Variants in INPP5D observed in about 807,000 individuals in gnomAD.
The protein encoded by INPP5D is phosphatidylinositol 3,4,5-trisphosphate 5-phosphatase 1.
A neutral mutation model predicts 122.9 loss-of-function variants in INPP5D; 33 were observed. That is an observed-to-expected ratio of 0.27 (90% CI 0.20 to 0.36). The LOEUF is 0.36. Ranked by LOEUF, INPP5D falls within the 10% of genes least tolerant of loss-of-function variation. The probability of loss-of-function intolerance (pLI) is 1.00; values close to 1 mark genes in which losing one functional copy is unlikely to be tolerated. For missense variants in INPP5D, 1,053 were observed against 1,412.7 expected, an observed-to-expected ratio of 0.75 and a Z score of 4.08; for synonymous variants, 584 against 576.2, an observed-to-expected ratio of 1.01 and a Z score of -0.19.
At position 233,177,974 on chromosome 2, in the gene INPP5D, GA is replaced by G. The variant is rs1694690082; in HGVS notation, c.2071+631del. ...TTTTGTAGGTCAGAAATAGTTATTGGAAATTCATATGGCTCAAACTAATACA... is the reference window on the plus strand; with the variant it reads ...TTTTGTAGGTCAGAAATAGTTATTGGAATTCATATGGCTCAAACTAATACA... On this transcript the variant is annotated intron_variant, in intron 18 of 26. Transcript: ENST00000445964. The surrounding 1 kb of genome is among the most constrained non-coding windows in gnomAD (Gnocchi z 4.2). Among the ~76,000 whole-genome samples, 1 of 152,180 alleles carries G rather than the reference GA, an allele frequency of 6.6e-6. No individual in the cohort carries two copies. Among genetic ancestry groups the G allele is most frequent in the African/African-American group, 2.4e-5 (1 of 41,428 alleles).
In INPP5D at chr2:233,082,103, T is replaced by A. The variant is rs1284741202; in HGVS notation, c.198+2705T>A. ...CTCTGCTCCTGACCCCGGCACTAGA[T>A]CTGTGACCTCCGCAGTAGCTGACAT... On this transcript the variant is annotated intron_variant, in intron 2 of 26. Coordinates refer to ENST00000445964, the MANE Select transcript of INPP5D (RefSeq NM_001017915.3). The surrounding 1 kb of genome is among the most constrained non-coding windows in gnomAD (Gnocchi z 4.7). Among the ~76,000 whole-genome samples the A allele has an allele frequency of 6.6e-6, 1 of 152,106 alleles. No homozygotes were observed. The highest frequency in any genetic ancestry group is 1.5e-5 in the Non-Finnish European group (1 of 68,018).
At chr2:233,176,667 G>A (rs1226105494) in intron 17 of INPP5D, among the ~76,000 whole-genome samples, 4 of 128,738 alleles carry the variant, frequency 3.1e-5, no homozygotes, top group Non-Finnish European at 6.5e-5. Flanking sequence ...GGGTGGGTGG[G>A]TGGATGGATG....
At position 233,111,940 on chromosome 2, in the gene INPP5D, A is replaced by G. The variant is rs142840010; in HGVS notation, c.199-10167A>G. On this transcript the variant is annotated intron_variant, in intron 2 of 26. Coordinates refer to ENST00000445964, the MANE Select transcript of INPP5D (RefSeq NM_001017915.3). Reference sequence around the variant, plus strand: ...TAGCCAAACGTGGTGATGCATGCCTATAGTCCCAGGTACTTGGGGGGGCTG... The same window carrying G: ...TAGCCAAACGTGGTGATGCATGCCTGTAGTCCCAGGTACTTGGGGGGGCTG... 6.9e-3 allele frequency among the ~76,000 whole-genome samples: 903 copies of G among 130,648 alleles called. 14 individuals are homozygous for G. Among genetic ancestry groups the G allele is most frequent in the Non-Finnish European group, 5.8e-3 (384 of 65,750 alleles). The allele number at this position is 130,648 out of a possible 152,430, so 85.7% of individuals were successfully genotyped here.
At chr2:233,099,015 G>A (rs1178112576) in intron 2 of INPP5D, among the ~76,000 whole-genome samples, 2 of 151,168 alleles carry the variant, frequency 1.3e-5, no homozygotes, top group Non-Finnish European at 2.9e-5. Context: ...GCAGTGGTGC[G>A]ATCTTGGCTC....
intron 9 of INPP5D, among the ~76,000 whole-genome samples, chr2:233,155,631 T>A (rs991876679): frequency 2.2e-4 from 3 of 13,600 alleles, no homozygotes; most frequent in South Asian, 4.6e-3. Context: ...AAAAAATAAA[T>A]AAATAAATAA....
At chr2:233,060,648 T>G in intron 1 of INPP5D, 36 bp downstream of exon 1, 1 of 1,610,688 alleles carries the variant, frequency 6.2e-7, no homozygotes. Context: ...GGCACAGATA[T>G]GACAGAGGGG....
chr2:233,079,076 C>T (rs898112903), intron 1 of INPP5D, among the ~76,000 whole-genome samples: 1 of 152,102 alleles, frequency 6.6e-6, no homozygotes, highest in Admixed American at 6.5e-5. Flanking sequence ...CCTTTAGCTG[C>T]CGGGTCCCCA....
At chr2:233,139,757 A>C (rs1693594019) in intron 5 of INPP5D, 85 bp from the exon 6 acceptor site, 1 of 395,830 alleles carries the variant, frequency 2.5e-6, no homozygotes, top group African/African-American at 2.1e-5. Context: ...GGGTGCCCTC[A>C]TCTCTGGCTA....
At position 233,175,251 on chromosome 2, in the gene INPP5D, TG is replaced by T. The variant is rs1479286957; in HGVS notation, c.1990-2012del. ...AAAAAAAAAAAAAAATGAATGTTTA[TG>T]GCAGCCTTGTTTGTAATCTTCAAAA... On this transcript the variant is annotated intron_variant, in intron 17 of 26. Transcript: ENST00000445964. 2.7e-5 allele frequency among the ~76,000 whole-genome samples: 4 copies of T among 150,226 alleles called. No homozygotes were observed. The Middle Eastern group carries it at 0.01, about 394-fold the overall frequency.
chr2:233,113,686 G>T (rs1350002134), intron 2 of INPP5D, among the ~76,000 whole-genome samples: 1 of 152,092 alleles, frequency 6.6e-6, no homozygotes, highest in Admixed American at 6.5e-5. Context: ...ACTCTCGCTG[G>T]CTCTCGCTTG....
intron 9 of INPP5D, among the ~76,000 whole-genome samples, chr2:233,157,906 T>G (rs895436740): frequency 6.6e-6 from 1 of 151,876 alleles, no homozygotes; most frequent in African/African-American, 2.4e-5. Context: ...TTTTAATTGT[T>G]GATGACAGTA....
At chr2:233,161,663 CA>C in intron 10 of INPP5D, 60 bp from the exon 11 acceptor site, 1 of 1,509,774 alleles carries the variant, frequency 6.6e-7, no homozygotes, top group Non-Finnish European at 8.9e-7. Context: ...AAGTCCTTTG[CA>C]AAGTGTAATG....
intron 6 of INPP5D, among the ~76,000 whole-genome samples, chr2:233,144,680 T>G (rs1346947569): frequency 8.9e-6 from 1 of 111,974 alleles, no homozygotes; most frequent in African/African-American, 2.9e-5. Flanking sequence ...GTGATGGTGA[T>G]GGTGAGGGTG....
At chr2:233,156,985 CA>C (rs1694070907) in intron 9 of INPP5D, among the ~76,000 whole-genome samples, 2 of 152,186 alleles carry the variant, frequency 1.3e-5, no homozygotes, top group Admixed American at 1.3e-4. Context: ...ACAAGAGAAT[CA>C]GAATGACATT....
rs1362298842 is a variant in INPP5D at position 233,183,226 on chromosome 2, C to T, written c.2161+727C>T. On this transcript the variant is annotated intron_variant, in intron 19 of 26. Transcript: ENST00000445964. This position sits in a 1 kb window ranked among gnomAD's most constrained non-coding sequence, Gnocchi z 4.6. The stretch of plus-strand genomic sequence containing the variant: ...GGGAGCCATGTTGTCTCTGCCCAGT[C>T]TCTGCTTCCGCGGTCAGCCCAGTGG... Among the ~76,000 whole-genome samples, 1 of 152,210 alleles carries T rather than the reference C, an allele frequency of 6.6e-6. No homozygotes were observed. Among genetic ancestry groups the T allele is most frequent in the East Asian group, 1.9e-4 (1 of 5,196 alleles).
chr2:233,187,182 T>G (rs371322225), intron 21 of INPP5D, among the ~76,000 whole-genome samples: 29 of 148,282 alleles, frequency 2.0e-4, no homozygotes, highest in African/African-American at 6.7e-4. Context: ...AGACGCTGTC[T>G]CTTTTTTTGT....
chr2:233,164,136 T>G lies in INPP5D; in HGVS notation c.1438-171T>G, dbSNP rs897841519. Reference sequence around the variant, plus strand: ...CTTGGTCAGCCCCGGTTCTCATCTTTAGGATGTTTTGTCTCGCCTATCAAG... The same window carrying G: ...CTTGGTCAGCCCCGGTTCTCATCTTGAGGATGTTTTGTCTCGCCTATCAAG... On this transcript the variant is annotated intron_variant, in intron 12 of 26. Transcript: ENST00000445964. This position sits in a 1 kb window ranked among gnomAD's most constrained non-coding sequence, Gnocchi z 4.3. Among the ~76,000 whole-genome samples the G allele has an allele frequency of 1.1e-4, 17 of 152,184 alleles. No individual in the cohort carries two copies. Among genetic ancestry groups the G allele is most frequent in the Admixed American group, 1.1e-3 (17 of 15,286 alleles).
intron 1 of INPP5D, among the ~76,000 whole-genome samples, chr2:233,072,922 G>A (rs1012555291): frequency 3.9e-5 from 6 of 152,238 alleles, no homozygotes; most frequent in African/African-American, 1.4e-4. Context: ...GGCACCCTCA[G>A]GATCCATTCC....
intron 1 of INPP5D, among the ~76,000 whole-genome samples, chr2:233,069,183 C>T (rs1159350123): frequency 1.3e-5 from 2 of 152,232 alleles, no homozygotes; most frequent in Non-Finnish European, 2.9e-5. Flanking sequence ...GTGCAGGCCC[C>T]TAACAGTTTG....
Sources: gnomAD v4.1 joint callset for allele counts (sites outside exome capture counted in the v4.1 genomes callset) on GRCh38, gnomAD v4.1.1 for gene constraint, Gnocchi (gnomAD v3.1) non-coding constraint, MANE v1.5 for transcripts, NCBI Gene and HGNC (gene_info 2026-07-23, HGNC 2026-07-21) for gene names.